SPTBN2: variants seen among roughly 807,000 people sequenced by gnomAD.
SPTBN2 encodes spectrin beta chain, non-erythrocytic 2.
SPTBN2 carries 107 observed loss-of-function variants against 284.2 expected under a neutral mutation model. The ratio of observed to expected loss-of-function variants is 0.38; its 90% CI spans 0.32 to 0.44. SPTBN2 has a LOEUF of 0.44. Among genes scored for constraint, SPTBN2 ranks in the 20% least tolerant of loss-of-function variants. The probability of loss-of-function intolerance (pLI) is 1.00; values close to 1 mark genes in which losing one functional copy is unlikely to be tolerated. For synonymous variants in SPTBN2, 1,289 were observed against 1,354.8 expected (o/e 0.95, Z 1.07); for missense variants, 2,569 against 3,287.1 (o/e 0.78, Z 5.34).
At chr11:66,713,984 TC>T (rs1373399235) in intron 7 of SPTBN2, 106 bp downstream of exon 7, 4 of 1,220,544 alleles carry the variant, frequency 3.3e-6, no homozygotes, top group Non-Finnish European at 4.8e-6. Flanking sequence ...TGCTATTCCT[TC>T]CGTCTGACTG....
intron 3 of SPTBN2, among the ~76,000 whole-genome samples, chr11:66,717,620 C>T (rs1942207112): frequency 6.6e-6 from 1 of 152,186 alleles, no homozygotes; most frequent in Non-Finnish European, 1.5e-5. Flanking sequence ...GTCTACAGGC[C>T]CCATCTGAGC....
At position 66,700,479 on chromosome 11, in the gene SPTBN2, C is replaced by A. The variant is rs779953084; in HGVS notation, c.3573+47G>T. ...CTGCTCCTTCACATTTCCCCGGGTC[C>A]CTACTTTGCTCTTCCTCCTGCTTGG... On this transcript the variant is annotated intron_variant, in intron 17 of 37. Coordinates refer to ENST00000533211, the MANE Select transcript of SPTBN2 (RefSeq NM_006946.4). This position sits in a 1 kb window ranked among gnomAD's most constrained non-coding sequence, Gnocchi z 6.6. 3 of 1,598,644 alleles carry A rather than the reference C, an allele frequency of 1.9e-6. No individual in the cohort carries two copies. The highest frequency in any genetic ancestry group is 2.5e-6 in the Non-Finnish European group (3 of 1,179,724).
In SPTBN2 at chr11:66,704,980, C is replaced by A. The variant is rs374610687; in HGVS notation, c.2296G>T (p.Ala766Ser). 1.2e-6 allele frequency: 2 copies of A among 1,607,262 alleles called. No homozygotes were observed. Among genetic ancestry groups the A allele is most frequent in the Admixed American group, 3.3e-5 (2 of 60,012 alleles). ...ANDMEAWLVD[A>S]LRLVSSPELG... ...TCGGGGCTGGACACCAGGCGCAGTG[C>A]GTCAACCAACCAGGCCTCCATGTCG... is the stretch of plus-strand genomic sequence containing the variant. Residue 766 changes from alanine to serine, a missense_variant, in exon 15 of 38, where the codon GCA (alanine) becomes TCA (serine). Physicochemically the swap from Ala to Ser is moderately conservative, Grantham distance 99. This residue lies in a region of SPTBN2 where 1,012 missense variants were observed against 1,248.9 expected (regional missense o/e 0.81). Coordinates refer to ENST00000533211, the MANE Select transcript of SPTBN2 (RefSeq NM_006946.4).
Position 66,710,211 on chromosome 11 carries a change from T to C in SPTBN2, c.1073+371A>G, listed in dbSNP as rs934172640. 3.4e-4 allele frequency among the ~76,000 whole-genome samples: 51 copies of C among 150,714 alleles called. No individual in the cohort carries two copies. Among genetic ancestry groups the C allele is most frequent in the African/African-American group, 1.2e-3 (51 of 40,880 alleles). On this transcript the variant is annotated intron_variant, in intron 10 of 37. Transcript: ENST00000533211. The surrounding 1 kb of genome is among the most constrained non-coding windows in gnomAD (Gnocchi z 4.9). ...GCGTGTGCCACCATGCCCAGCTAAT[T>C]TTTTTGTAATTTTAGTGGAGACGGG...
intron 19 of SPTBN2, 39 bp downstream of exon 19, chr11:66,698,953 G>A: frequency 6.2e-7 from 1 of 1,610,956 alleles, no homozygotes; most frequent in Non-Finnish European, 8.5e-7. Flanking sequence ...GTGAGAAAGG[G>A]ATGGCTAGGG....
Position 66,700,963 on chromosome 11 carries a change from C to T in SPTBN2, c.3136G>A (p.Gly1046Ser), listed in dbSNP as rs199703911. 3.1e-5 allele frequency: 50 copies of T among 1,605,864 alleles called. No individual in the cohort carries two copies. The highest frequency in any genetic ancestry group is 2.6e-4 in the South Asian group (24 of 91,072). Reference protein sequence around the residue: ...INARLREVQTGWEDLRATMRR... With the variant: ...INARLREVQTSWEDLRATMRR... Reference sequence around the variant, plus strand: ...ATGGTGGCCCTGAGGTCCTCCCAGCCGGTCTGCACCTCTCTCAGCCGGGCG... The same window carrying T: ...ATGGTGGCCCTGAGGTCCTCCCAGCTGGTCTGCACCTCTCTCAGCCGGGCG... The change falls in exon 17 of 38, where the codon GGC becomes AGC. Residue 1046 changes from glycine to serine, a missense_variant. By Grantham distance (56) the Gly-to-Ser change is moderately conservative (BLOSUM62 0). Around this residue, in one of 6 missense-constraint regions of SPTBN2, gnomAD observed 1,012 missense variants for 1,248.9 expected, o/e 0.81. Transcript: ENST00000533211. This position sits in a 1 kb window ranked among gnomAD's most constrained non-coding sequence, Gnocchi z 6.6.
In SPTBN2 at chr11:66,687,499, G is replaced by A. The variant is rs1425905434; in HGVS notation, c.6650C>T (p.Ala2217Val). ...TLPPRGPEPS[A>V]QEQMEGMLCR... is the part of the protein sequence containing the mutation. ...CAGCATCCCCTCCATCTGCTCCTGG[G>A]CAGATGGCTCTGGGCCTCGAGGCGG... Residue 2217 changes from alanine to valine, a missense_variant, in exon 35 of 38, where the codon GCC becomes GTC. Physicochemically the swap from Ala to Val is moderately conservative, Grantham distance 64 (BLOSUM62 0). This residue lies in a region of SPTBN2 where 1,130 missense variants were observed against 1,317.3 expected (regional missense o/e 0.86). Transcript: ENST00000533211. This position sits in a 1 kb window ranked among gnomAD's most constrained non-coding sequence, Gnocchi z 5.2. The A allele has an allele frequency of 3.7e-6, 6 of 1,611,624 alleles. No homozygotes were observed. The highest frequency in any genetic ancestry group is 2.2e-5 in the East Asian group (1 of 44,872).
intron 17 of SPTBN2, 69 bp from the exon 18 acceptor site, chr11:66,699,677 C>T: frequency 1.3e-6 from 2 of 1,523,298 alleles, no homozygotes; most frequent in South Asian, 2.3e-5. Flanking sequence ...GGGACCCACC[C>T]AGGGGCAAAT....
chr11:66,695,920 A>G (rs1395485054), intron 21 of SPTBN2, among the ~76,000 whole-genome samples: 3 of 152,092 alleles, frequency 2.0e-5, no homozygotes, highest in African/African-American at 7.2e-5. Context: ...TATTTTTAGT[A>G]GAGACGGGGT....
Position 66,708,411 on chromosome 11 carries a change from AG to A in SPTBN2, c.1192-113del. 1 of 1,117,578 alleles carries A rather than the reference AG, an allele frequency of 8.9e-7. No homozygotes were observed. Among genetic ancestry groups the A allele is most frequent in the Non-Finnish European group, 1.2e-6 (1 of 803,362 alleles). The allele number at this position is 1,117,578 out of a possible 1,614,324, so 69.2% of individuals were successfully genotyped here. ...TCGGTCTGGTGGATCCGTGGAATGCAGTGGGTGAGACGCCTGGGCGTGGAAA... is the reference window on the plus strand; with the variant it reads ...TCGGTCTGGTGGATCCGTGGAATGCATGGGTGAGACGCCTGGGCGTGGAAA... On this transcript the variant is annotated intron_variant, in intron 11 of 37. Coordinates refer to ENST00000533211, the MANE Select transcript of SPTBN2 (RefSeq NM_006946.4). This position sits in a 1 kb window ranked among gnomAD's most constrained non-coding sequence, Gnocchi z 4.4.
At chr11:66,690,016 GC>G (rs747670648) in intron 28 of SPTBN2, 22 bp downstream of exon 28, 2 of 1,614,108 alleles carry the variant, frequency 1.2e-6, no homozygotes, top group Admixed American at 3.3e-5. Flanking sequence ...ACCCGTGGAG[GC>G]CCTGAGCCCT....
chr11:66,702,603 G>A (rs1326574131), intron 15 of SPTBN2, among the ~76,000 whole-genome samples: 2 of 152,140 alleles, frequency 1.3e-5, no homozygotes, highest in Non-Finnish European at 2.9e-5. Context: ...AAGCAGCCAC[G>A]GGCAATACGC....
chr11:66,723,716 C>T (rs763693467), intron 1 of SPTBN2, among the ~76,000 whole-genome samples: 1 of 152,154 alleles, frequency 6.6e-6, no homozygotes, highest in Admixed American at 6.5e-5. Context: ...TTTCTCCCCA[C>T]AGATTCTCTG....
chr11:66,690,155 G>A lies in SPTBN2; in HGVS notation c.5694C>T (p.Ala1898=), dbSNP rs903649643. Reference sequence around the variant, plus strand: ...TGGTGTCCAGCAGCAGCTGCCGGCGGGCGGCAGAGCTTCCCTGAAGCTGGG... The same window carrying A: ...TGGTGTCCAGCAGCAGCTGCCGGCGAGCGGCAGAGCTTCCCTGAAGCTGGG... ...AWAQLQGSSA[A]RRQLLLDTTD... is the part of the protein sequence containing the mutation. The change falls in exon 28 of 38, where the codon GCC becomes GCT. Residue 1898 remains alanine, a synonymous_variant. Coordinates refer to ENST00000533211, the MANE Select transcript of SPTBN2 (RefSeq NM_006946.4). 1.9e-6 allele frequency: 3 copies of A among 1,614,050 alleles called. No individual in the cohort carries two copies. The highest frequency in any genetic ancestry group is 2.5e-6 in the Non-Finnish European group (3 of 1,180,034).
At chr11:66,686,561 C>T (rs773668509) in intron 36 of SPTBN2, 121 bp from the exon 37 acceptor site, 25 of 1,070,240 alleles carry the variant, frequency 2.3e-5, no homozygotes, top group East Asian at 4.7e-5. Context: ...CCCTCAGAGC[C>T]GGACCAGACA....
At chr11:66,713,160 C>T (rs1941963355) in intron 8 of SPTBN2, among the ~76,000 whole-genome samples, 1 of 151,858 alleles carries the variant, frequency 6.6e-6, no homozygotes, top group African/African-American at 2.4e-5. Context: ...GGACACAACC[C>T]ACAGTCCAGG....
intron 8 of SPTBN2, chr11:66,712,655 T>C (rs1477749684): frequency 6.6e-6 from 1 of 152,162 alleles, no homozygotes; most frequent in East Asian, 1.9e-4. Flanking sequence ...TACAGGCCAG[T>C]TCTGGGTGAG....
chr11:66,704,971 G>A lies in SPTBN2; in HGVS notation c.2305C>T (p.Leu769=). 1 of 1,608,394 alleles carries A rather than the reference G, an allele frequency of 6.2e-7. No individual in the cohort carries two copies. Among genetic ancestry groups the A allele is most frequent in the Non-Finnish European group, 8.5e-7 (1 of 1,179,878 alleles). ...MEAWLVDALR[L]VSSPELGHDE... ...TGCCCCAGCTCGGGGCTGGACACCA[G>A]GCGCAGTGCGTCAACCAACCAGGCC... Residue 769 remains leucine (L), a synonymous_variant, in exon 15 of 38, where the codon CTG becomes TTG. Coordinates refer to ENST00000533211, the MANE Select transcript of SPTBN2 (RefSeq NM_006946.4).
At chr11:66,732,440 G>A (rs1053348975), upstream of SPTBN2, among the ~76,000 whole-genome samples, 10 of 152,046 alleles carry the variant, frequency 6.6e-5, no homozygotes, top group Admixed American at 2.0e-4. Flanking sequence ...ACAAGGTCAG[G>A]AGATTGAGAC....
Sources: gnomAD v4.1 joint callset for allele counts (sites outside exome capture counted in the v4.1 genomes callset) on GRCh38, gnomAD v4.1.1 for gene constraint, gnomAD v4.1.1 regional missense constraint, Gnocchi (gnomAD v3.1) non-coding constraint, MANE v1.5 for transcripts, NCBI Gene and HGNC (gene_info 2026-07-23, HGNC 2026-07-21) for gene names.